Variants in XKR6 observed in about 807,000 individuals in gnomAD.
XKR6 encodes the protein XK-related protein 6.
In XKR6, 22 loss-of-function variants were observed where a neutral mutation model predicts 56.7. That is an observed-to-expected ratio of 0.39 (90% confidence interval 0.28 to 0.55). The LOEUF (loss-of-function observed/expected upper bound fraction) is 0.55, where lower values mean the gene tolerates loss of function less well. XKR6 is among the 20% of genes least tolerant of loss of function. XKR6 has a pLI of 0.66. For synonymous variants in XKR6, 524 were observed against 387.8 expected (o/e 1.35, Z -4.13); for missense variants, 852 against 889.0 (o/e 0.96, Z 0.53).
At chr8:11,154,997 C>T (rs1801446492) in intron 1 of XKR6, among the ~76,000 whole-genome samples, 1 of 152,210 alleles carries the variant, frequency 6.6e-6, no homozygotes, top group South Asian at 2.1e-4. Context: ...AAAATGTTTT[C>T]AAGCAGCACA....
chr8:11,147,544 T>C (rs1025564792), intron 1 of XKR6, among the ~76,000 whole-genome samples: 2 of 151,350 alleles, frequency 1.3e-5, no homozygotes, highest in African/African-American at 2.4e-5. Context: ...TAGTCCCAGC[T>C]ACTCAGGAGG....
chr8:11,041,144 G>C (rs1003115432), intron 1 of XKR6, among the ~76,000 whole-genome samples: 2 of 152,138 alleles, frequency 1.3e-5, no homozygotes, highest in Non-Finnish European at 2.9e-5. Flanking sequence ...ACAGCTCAGT[G>C]TACCGTACAT....
chr8:11,048,426 G>C (rs953162955), intron 1 of XKR6, among the ~76,000 whole-genome samples: 3 of 152,084 alleles, frequency 2.0e-5, no homozygotes, highest in Non-Finnish European at 2.9e-5. Flanking sequence ...GTGCTCCTTT[G>C]ATGAAATGGT....
chr8:10,937,985 C>T (rs932449046), intron 1 of XKR6, among the ~76,000 whole-genome samples: 23 of 151,278 alleles, frequency 1.5e-4, no homozygotes, highest in Middle Eastern at 3.4e-3. Flanking sequence ...CAATGGCGGG[C>T]GCCCCTCCCC....
chr8:11,007,657 G>A (rs1250896494), intron 1 of XKR6, among the ~76,000 whole-genome samples: 2 of 151,978 alleles, frequency 1.3e-5, no homozygotes. Flanking sequence ...CGGTGGAAGA[G>A]GCAGGAAACA....
At chr8:11,012,366 CA>C (rs1225287762) in intron 1 of XKR6, among the ~76,000 whole-genome samples, 1 of 152,218 alleles carries the variant, frequency 6.6e-6, no homozygotes, top group Non-Finnish European at 1.5e-5. Context: ...GGGATAATGA[CA>C]GCACCTATAT....
At chr8:11,164,468 AT>A (rs1801970611) in intron 1 of XKR6, among the ~76,000 whole-genome samples, 1 of 152,204 alleles carries the variant, frequency 6.6e-6, no homozygotes, top group Admixed American at 6.5e-5. Flanking sequence ...TGTGGGGAAA[AT>A]AAAAGATCCG....
intron 1 of XKR6, chr8:11,194,959 T>G (rs1322147452): frequency 3.7e-6 from 2 of 542,138 alleles, no homozygotes; most frequent in East Asian, 6.1e-5. Context: ...CCCCTTCCCT[T>G]GAAAATTTAC....
intron 1 of XKR6, among the ~76,000 whole-genome samples, chr8:11,167,547 G>A (rs941829036): frequency 6.6e-6 from 1 of 152,162 alleles, no homozygotes; most frequent in African/African-American, 2.4e-5. Context: ...ATGACCTGAG[G>A]TCTGGGAAGA....
chr8:10,914,732 G>A (rs1207945277), intron 2 of XKR6, among the ~76,000 whole-genome samples: 1 of 130,846 alleles, frequency 7.6e-6, no homozygotes, highest in Non-Finnish European at 1.7e-5. Flanking sequence ...ATGTGGGAAA[G>A]TGGGGGAAAT....
chr8:11,155,030 T>C (rs1801448084), intron 1 of XKR6, among the ~76,000 whole-genome samples: 1 of 152,218 alleles, frequency 6.6e-6, no homozygotes, highest in Non-Finnish European at 1.5e-5. Context: ...CCGAGCTGCG[T>C]TAGAGATTAA....
intron 2 of XKR6, among the ~76,000 whole-genome samples, chr8:10,907,480 T>C (rs1017616822): frequency 6.6e-6 from 1 of 152,236 alleles, no homozygotes; most frequent in Non-Finnish European, 1.5e-5. Context: ...TCAATTGTTA[T>C]GTTAACTCAA....
intron 1 of XKR6, among the ~76,000 whole-genome samples, chr8:11,144,930 G>C (rs1244708345): frequency 2.0e-5 from 3 of 149,616 alleles, no homozygotes; most frequent in Non-Finnish European, 1.5e-5. Flanking sequence ...GAAGGAAAGG[G>C]AGAGAAGCGA....
chr8:10,987,404 CCA>C (rs1380637626), intron 1 of XKR6, among the ~76,000 whole-genome samples: 1 of 152,230 alleles, frequency 6.6e-6, no homozygotes, highest in Non-Finnish European at 1.5e-5. Context: ...AGGCACCAAA[CCA>C]CAGAGTCAAC....
At chr8:11,107,583 G>A (rs558732885) in intron 1 of XKR6, among the ~76,000 whole-genome samples, 11 of 152,134 alleles carry the variant, frequency 7.2e-5, no homozygotes, top group East Asian at 1.9e-4. Context: ...ATCTGGGCAC[G>A]GATCCACTCA....
chr8:11,195,794 G>A (rs1014237046), intron 1 of XKR6, among the ~76,000 whole-genome samples: 2 of 151,502 alleles, frequency 1.3e-5, no homozygotes, highest in Admixed American at 6.6e-5. Context: ...GACTACAGGC[G>A]CCCGCCACCA....
intron 1 of XKR6, among the ~76,000 whole-genome samples, chr8:10,980,242 G>C (rs1797698387): frequency 6.6e-6 from 1 of 152,182 alleles, no homozygotes; most frequent in Non-Finnish European, 1.5e-5. Context: ...GGAGTGCCCA[G>C]GAGGTCTGGG....
At chr8:11,017,813 G>C (rs1798660992) in intron 1 of XKR6, among the ~76,000 whole-genome samples, 1 of 152,210 alleles carries the variant, frequency 6.6e-6, no homozygotes, top group South Asian at 2.1e-4. Flanking sequence ...AGAGGGCCTG[G>C]TTCCTCCTGG....
intron 1 of XKR6, among the ~76,000 whole-genome samples, chr8:11,026,315 T>C (rs537778481): frequency 6.6e-6 from 1 of 151,710 alleles, no homozygotes; most frequent in African/African-American, 2.4e-5. Flanking sequence ...ACTACACACC[T>C]AGATGGTCTA....
Sources: allele counts gnomAD v4.1 joint callset (sites outside exome capture counted in the v4.1 genomes callset), GRCh38; gene constraint gnomAD v4.1.1; transcripts MANE v1.5; gene names NCBI Gene and HGNC (gene_info 2026-07-23, HGNC 2026-07-21).